Variants in HHIPL1 observed in about 807,000 individuals in gnomAD.
HHIPL1 encodes HHIP like 1, also known as HHIP-like protein 1.
In HHIPL1, 43 loss-of-function variants were observed where a neutral mutation model predicts 61.8. The ratio of observed to expected loss-of-function variants is 0.70; its 90% CI spans 0.55 to 0.90. The LOEUF is 0.90. Ranked by LOEUF, HHIPL1 falls within the 40% of genes least tolerant of loss-of-function variation. The pLI is 0.00. For missense variants in HHIPL1, 1,056 were observed against 1,157.7 expected (o/e 0.91, Z 1.28); for synonymous variants, 482 against 515.8 (o/e 0.93, Z 0.89).
chr14:99,604,564 G>T, the HHIPL1 span: 1 of 152,174 alleles, frequency 6.6e-6, no homozygotes, highest in Non-Finnish European at 1.5e-5. Flanking sequence ...TCTGCGCCCG[G>T]AGGACGCGGC....
chr14:99,664,695 G>A (rs1424593837), intron 6 of HHIPL1, among the ~76,000 whole-genome samples: 1 of 152,146 alleles, frequency 6.6e-6, no homozygotes, highest in African/African-American at 2.4e-5. Context: ...GGCCCAGTGT[G>A]CTCTAGGGAC....
rs186611430 is a variant in HHIPL1 at position 99,654,956 on chromosome 14, A to G, written c.903-2044A>G. Among the ~76,000 whole-genome samples the G allele has an allele frequency of 2.5e-4, 38 of 152,314 alleles. No individual in the cohort carries two copies. In the East Asian group the frequency reaches 6.6e-3, roughly 26 times the overall value. ...AGGTGGAACACAAAATACACAGATG[A>G]ACATATTTCAGAGTGGGGGCTCAGC... On this transcript the variant is annotated intron_variant, in intron 2 of 8. Transcript: ENST00000330710.
At chr14:99,648,020 G>A (rs1470894457) in intron 1 of HHIPL1, among the ~76,000 whole-genome samples, 3 of 152,162 alleles carry the variant, frequency 2.0e-5, no homozygotes, top group Non-Finnish European at 4.4e-5. Flanking sequence ...TCCATGAAAT[G>A]TATTCTATGG....
intron 1 of HHIPL1, among the ~76,000 whole-genome samples, chr14:99,646,941 A>G (rs541248843): frequency 6.6e-6 from 1 of 152,102 alleles, no homozygotes; most frequent in African/African-American, 2.4e-5. Context: ...AATGCCACAT[A>G]CTAGGGGCTC....
chr14:99,654,569 G>T (rs1193310692), intron 2 of HHIPL1, among the ~76,000 whole-genome samples: 1 of 152,242 alleles, frequency 6.6e-6, no homozygotes, highest in African/African-American at 2.4e-5. Context: ...GCAGTAGAGA[G>T]GAGGTAGGGG....
the HHIPL1 span, among the ~76,000 whole-genome samples, chr14:99,619,338 TG>T: frequency 0.018 from 2,806 of 151,836 alleles, 40 homozygotes; most frequent in Non-Finnish European, 0.031. Context: ...GGCGGGCACC[TG>T]TAATCCCAGC....
intron 8 of HHIPL1, among the ~76,000 whole-genome samples, chr14:99,674,566 C>G (rs190476472): frequency 6.6e-6 from 1 of 152,152 alleles, no homozygotes; most frequent in Non-Finnish European, 1.5e-5. Flanking sequence ...GTGTGTATCC[C>G]GTTCCCAACC....
At chr14:99,616,507 G>A in the HHIPL1 span, among the ~76,000 whole-genome samples, 5 of 152,298 alleles carry the variant, frequency 3.3e-5, no homozygotes, top group African/African-American at 9.6e-5. Flanking sequence ...TAAGAGAAAG[G>A]CAAGCGAGAG....
At chr14:99,646,664 C>T (rs1002255880) in intron 1 of HHIPL1, among the ~76,000 whole-genome samples, 7 of 151,926 alleles carry the variant, frequency 4.6e-5, no homozygotes, top group Non-Finnish European at 1.0e-4. Context: ...ATCCCAGCTA[C>T]TCGGGAGGCT....
At chr14:99,655,955 G>T (rs994154035) in intron 2 of HHIPL1, among the ~76,000 whole-genome samples, 5 of 152,204 alleles carry the variant, frequency 3.3e-5, no homozygotes, top group African/African-American at 1.2e-4. Flanking sequence ...CCGGAGGCAG[G>T]GCTAGAAGCC....
the HHIPL1 span, among the ~76,000 whole-genome samples, chr14:99,615,695 GAGAA>G: frequency 5.6e-4 from 83 of 149,178 alleles, no homozygotes; most frequent in South Asian, 5.7e-3. Flanking sequence ...AAGAAAGAAA[GAGAA>G]AGAAAGAAAG....
intron 6 of HHIPL1, 23 bp downstream of exon 6, chr14:99,663,044 C>G (rs763077183): frequency 3.2e-6 from 5 of 1,571,468 alleles, no homozygotes; most frequent in South Asian, 2.4e-5. Context: ...GAGACCTCTC[C>G]TTGCTGGTTG....
chr14:99,657,149 T>C lies in HHIPL1; in HGVS notation c.1046+6T>C. The C allele has an allele frequency of 6.2e-7, 1 of 1,612,282 alleles. No homozygotes were observed. Among genetic ancestry groups the C allele is most frequent in the Non-Finnish European group, 8.5e-7 (1 of 1,179,344 alleles). Reference sequence around the variant, plus strand: ...TTTGGAAATGCCCAAAACAAGTATGTTCAGCTTTTGATTGGCTTGTGGGTT... The same window carrying C: ...TTTGGAAATGCCCAAAACAAGTATGCTCAGCTTTTGATTGGCTTGTGGGTT... On this transcript the variant is annotated splice_donor_region_variant and intron_variant, in intron 3 of 8. Transcript: ENST00000330710.
At position 99,675,769 on chromosome 14, in the gene HHIPL1, C is replaced by A; in HGVS notation, c.*143C>A. Reference sequence around the variant, plus strand: ...TGCTGTCCTGGGGACATGTGTGAGGCGCTGCAGTGCATGTGTGTCCTCTGC... The same window carrying A: ...TGCTGTCCTGGGGACATGTGTGAGGAGCTGCAGTGCATGTGTGTCCTCTGC... On this transcript the variant is annotated 3_prime_UTR_variant, in exon 9 of 9. Coordinates refer to ENST00000330710, the MANE Select transcript of HHIPL1 (RefSeq NM_001127258.3). The surrounding 1 kb of genome is among the most constrained non-coding windows in gnomAD (Gnocchi z 5.4). 1 of 803,052 alleles carries A rather than the reference C, an allele frequency of 1.2e-6. No individual in the cohort carries two copies. The highest frequency in any genetic ancestry group is 1.9e-6 in the Non-Finnish European group (1 of 538,088). 49.7% of individuals were successfully genotyped at this position (803,052 alleles called of 1,614,324 possible). A position where few individuals can be genotyped will look rare whatever the true frequency, so the allele number is the denominator to read the frequency against.
chr14:99,616,346 C>T, the HHIPL1 span, among the ~76,000 whole-genome samples: 506 of 152,308 alleles, frequency 3.3e-3, no homozygotes, highest in African/African-American at 0.012. Flanking sequence ...ATCATATCCT[C>T]GTCATTAAGT....
At position 99,646,801 on chromosome 14, in the gene HHIPL1, TG is replaced by T. The variant is rs1411055173; in HGVS notation, c.255+1340del. ...AAATATAATATAATATAATATGATA[TG>T]ATATGATATGATATGATATGATATG... On this transcript the variant is annotated intron_variant, in intron 1 of 8. Coordinates refer to ENST00000330710, the MANE Select transcript of HHIPL1 (RefSeq NM_001127258.3). 1.5e-4 allele frequency among the ~76,000 whole-genome samples: 14 copies of T among 93,636 alleles called. 1 individual carries two copies. In the Middle Eastern group the frequency reaches 0.015, roughly 101 times the overall value. 61.4% of individuals were successfully genotyped at this position (93,636 alleles called of 152,430 possible).
At chr14:99,630,034 C>G in the HHIPL1 span, among the ~76,000 whole-genome samples, 2 of 152,196 alleles carry the variant, frequency 1.3e-5, no homozygotes, top group Non-Finnish European at 2.9e-5. Context: ...TAGAAAAACT[C>G]TCTCTCTATG....
At chr14:99,638,365 C>A in the HHIPL1 span, among the ~76,000 whole-genome samples, 1 of 152,256 alleles carries the variant, frequency 6.6e-6, no homozygotes, top group East Asian at 1.9e-4. Context: ...AAGAGGCTGC[C>A]CCGAGGCCTT....
the HHIPL1 span, among the ~76,000 whole-genome samples, chr14:99,624,500 A>C: frequency 6.6e-6 from 1 of 152,196 alleles, no homozygotes; most frequent in Non-Finnish European, 1.5e-5. Context: ...GGGCATTTAC[A>C]GCCCCAGCTC....
Sources: gnomAD v4.1 joint callset for allele counts (sites outside exome capture counted in the v4.1 genomes callset) on GRCh38, gnomAD v4.1.1 for gene constraint, Gnocchi (gnomAD v3.1) non-coding constraint, MANE v1.5 for transcripts, NCBI Gene and HGNC (gene_info 2026-07-23, HGNC 2026-07-21) for gene names.